The following FRAS1 variants were observed in gnomAD, a reference collection of about 807,000 sequenced individuals.
FRAS1 encodes the protein extracellular matrix organizing protein FRAS1.
Under a neutral mutation model 435.2 loss-of-function variants are expected in FRAS1, and 290 were observed. The observed-to-expected ratio is 0.67, with a 90% CI of 0.61 to 0.73. FRAS1 has a LOEUF of 0.73. Among genes scored for constraint, FRAS1 ranks in the 30% least tolerant of loss-of-function variants. The pLI is 0.00. For synonymous variants in FRAS1, 1,800 were observed against 1,851.0 expected (o/e 0.97, Z 0.71); for missense variants, 4,860 against 5,001.5 (o/e 0.97, Z 0.85).
rs1720938659 is a variant in FRAS1, at chr4:78,508,921, T to G, written c.9695T>G (p.Val3232Gly). 6.2e-7 allele frequency: 1 copy of G among 1,613,942 alleles called. No homozygotes were observed. Among genetic ancestry groups the G allele is most frequent in the Non-Finnish European group, 8.5e-7 (1 of 1,179,876 alleles). The change falls in exon 63 of 74, where the codon GTG becomes GGG. Residue 3232 changes from valine to glycine, a missense_variant. Val to Gly is a moderately radical substitution (Grantham distance 109). Transcript: ENST00000512123. Reference protein sequence around the residue: ...NQTSVQFSWEVAAPTDGNGAR... With the variant: ...NQTSVQFSWEGAAPTDGNGAR... ...ACATCTGTGCAGTTCAGCTGGGAAG[T>G]GGCTGCCCCCACTGATGGCAATGGG...
intron 2 of FRAS1, among the ~76,000 whole-genome samples, chr4:78,076,423 C>G (rs1341358337): frequency 6.6e-6 from 1 of 151,970 alleles, no homozygotes; most frequent in Non-Finnish European, 1.5e-5. Context: ...CACAATTTGC[C>G]AAGATTAAAT....
intron 2 of FRAS1, among the ~76,000 whole-genome samples, chr4:78,119,111 T>C (rs1197277878): frequency 6.6e-6 from 1 of 152,236 alleles, no homozygotes; most frequent in African/African-American, 2.4e-5. Context: ...GATGTTTTAA[T>C]ACATATAATG....
At position 78,412,981 on chromosome 4, in the gene FRAS1, T is replaced by G; in HGVS notation, c.4321T>G (p.Ser1441Ala). 6.2e-7 allele frequency: 1 copy of G among 1,602,894 alleles called. No individual in the cohort carries two copies. Residue 1441 changes from serine to alanine, a missense_variant, in exon 32 of 74, where the codon TCC becomes GCC. Transcript: ENST00000512123. ...DSFRFEVSSA[S>A]NAQTRLESHM... ...ACTTTCTTTTCAGGTGTCCAGTGCC[T>G]CCAATGCCCAGACCCGCCTGGAGAG...
At chr4:78,081,044 A>T (rs1199044952) in intron 2 of FRAS1, among the ~76,000 whole-genome samples, 1 of 152,272 alleles carries the variant, frequency 6.6e-6, no homozygotes, top group South Asian at 2.1e-4. Flanking sequence ...GGGGCCTAGG[A>T]TCCCCCTGGA....
At chr4:78,159,888 C>A (rs1189984499) in intron 2 of FRAS1, among the ~76,000 whole-genome samples, 1 of 152,056 alleles carries the variant, frequency 6.6e-6, no homozygotes, top group Non-Finnish European at 1.5e-5. Flanking sequence ...CTCAAAAAAA[C>A]AAAACAAAAA....
chr4:78,229,868 G>T (rs1395650309), intron 2 of FRAS1, among the ~76,000 whole-genome samples: 1 of 152,162 alleles, frequency 6.6e-6, no homozygotes, highest in African/African-American at 2.4e-5. Context: ...GCTGTGAGAA[G>T]TTGTACCATC....
At chr4:78,343,922 T>C (rs1257560617) in intron 20 of FRAS1, among the ~76,000 whole-genome samples, 1 of 152,148 alleles carries the variant, frequency 6.6e-6, no homozygotes, top group Non-Finnish European at 1.5e-5. Flanking sequence ...CCCTATATCT[T>C]GCTGTGGCTG....
intron 2 of FRAS1, among the ~76,000 whole-genome samples, chr4:78,114,827 C>A (rs1246893427): frequency 2.0e-5 from 3 of 152,210 alleles, no homozygotes; most frequent in Non-Finnish European, 4.4e-5. Context: ...TTATTTCCTT[C>A]TCCTGCCTGA....
At position 78,464,547 on chromosome 4, in the gene FRAS1, A is replaced by C; in HGVS notation, c.6993A>C (p.Thr2331=). The change falls in exon 49 of 74, where the codon ACA becomes ACC. Residue 2331 remains threonine (T), a synonymous_variant. Coordinates refer to ENST00000512123, the MANE Select transcript of FRAS1 (RefSeq NM_025074.7). The part of the protein sequence containing the change: ...RVQEGMRKTI[T]EFELKAVDAD... ...AGGAGGGCATGAGGAAGACCATCAC[A>C]GAGTTTGAGCTTAAGGCGGTGGATG... The C allele has an allele frequency of 5.6e-6, 9 of 1,613,920 alleles. No individual in the cohort carries two copies. The highest frequency in any genetic ancestry group is 5.9e-6 in the Non-Finnish European group (7 of 1,179,848).
intron 2 of FRAS1, among the ~76,000 whole-genome samples, chr4:78,185,015 T>A (rs1311981279): frequency 6.6e-6 from 1 of 152,198 alleles, no homozygotes; most frequent in Non-Finnish European, 1.5e-5. Flanking sequence ...ATAGGCCTAG[T>A]AAGTGGTGCC....
At chr4:78,272,552 C>T (rs936607210) in intron 9 of FRAS1, among the ~76,000 whole-genome samples, 4 of 152,160 alleles carry the variant, frequency 2.6e-5, no homozygotes, top group African/African-American at 9.7e-5. Context: ...TTCCCAGTAC[C>T]ATTTGTTAAA....
chr4:78,455,422 G>GGT (rs1553962058), intron 47 of FRAS1, among the ~76,000 whole-genome samples: 2 of 151,696 alleles, frequency 1.3e-5, no homozygotes, highest in Non-Finnish European at 2.9e-5. Flanking sequence ...AGTTGAGGAG[G>GGT]GAGGGGGTTC....
At position 78,065,991 on chromosome 4, in the gene FRAS1, G is replaced by C. The variant is rs1740017182; in HGVS notation, c.83G>C (p.Cys28Ser). ...AVLPHHSEGACVYQDSLLADA... is the reference protein window; with the variant it reads ...AVLPHHSEGASVYQDSLLADA... ...GTTTTGTTTTTCCCCACAGGTGCTT[G>C]TGTCTATCAGGATTCCTTGTTGGCG... The change falls in exon 2 of 74, where the codon TGT becomes TCT. Residue 28 changes from cysteine (C) to serine (S), a missense_variant. Physicochemically the swap from Cys to Ser is moderately radical, Grantham distance 112. Coordinates refer to ENST00000512123, the MANE Select transcript of FRAS1 (RefSeq NM_025074.7). The C allele has an allele frequency of 6.2e-7, 1 of 1,606,796 alleles. No individual in the cohort carries two copies. The highest frequency in any genetic ancestry group is 8.5e-7 in the Non-Finnish European group (1 of 1,174,288).
chr4:78,311,209 T>C (rs1022151566), intron 15 of FRAS1, among the ~76,000 whole-genome samples: 10 of 152,180 alleles, frequency 6.6e-5, no homozygotes, highest in African/African-American at 1.9e-4. Flanking sequence ...TCCCTTTTTT[T>C]AATCTTCATT....
intron 44 of FRAS1, among the ~76,000 whole-genome samples, chr4:78,449,744 A>G (rs185516882): frequency 8.5e-5 from 13 of 152,280 alleles, no homozygotes; most frequent in African/African-American, 2.9e-4. Flanking sequence ...ATGTAAAGCT[A>G]TATTTTTCTG....
chr4:78,416,145 T>C (rs1272510978), intron 32 of FRAS1, among the ~76,000 whole-genome samples: 1 of 152,142 alleles, frequency 6.6e-6, no homozygotes, highest in Non-Finnish European at 1.5e-5. Context: ...GGCTACAACA[T>C]AGATGAATGT....
chr4:78,164,968 A>C (rs548394253), intron 2 of FRAS1, among the ~76,000 whole-genome samples: 1 of 152,312 alleles, frequency 6.6e-6, no homozygotes, highest in East Asian at 1.9e-4. Context: ...GTGATTAAAA[A>C]ATTTCATGGT....
At chr4:78,447,858 CTTTA>C (rs1718901770) in intron 43 of FRAS1, among the ~76,000 whole-genome samples, 191 bp from the exon 44 acceptor site, 2 of 152,096 alleles carry the variant, frequency 1.3e-5, no homozygotes, top group South Asian at 4.1e-4. Context: ...ACTTTGTCTT[CTTTA>C]TTTGTGTATG....
intron 11 of FRAS1, among the ~76,000 whole-genome samples, chr4:78,282,586 C>CT (rs1261885184): frequency 7.1e-6 from 1 of 141,724 alleles, no homozygotes; most frequent in Non-Finnish European, 1.5e-5. Context: ...TGCCTAAAAT[C>CT]TTTCGGCTGG....
Sources: gnomAD v4.1 joint callset for allele counts (sites outside exome capture counted in the v4.1 genomes callset) on GRCh38, gnomAD v4.1.1 for gene constraint, MANE v1.5 for transcripts, NCBI Gene and HGNC (gene_info 2026-07-23, HGNC 2026-07-21) for gene names.